ZDHHC21: variants seen among roughly 807,000 people sequenced by gnomAD.
ZDHHC21 encodes palmitoyltransferase ZDHHC21.
A neutral mutation model predicts 34.6 loss-of-function variants in ZDHHC21; 15 were observed. That is an observed-to-expected ratio of 0.43 (90% CI 0.29 to 0.67). The LOEUF is 0.67. Among genes scored for constraint, ZDHHC21 ranks in the 30% least tolerant of loss-of-function variants. The probability of loss-of-function intolerance (pLI) is 0.14; values close to 1 mark genes in which losing one functional copy is unlikely to be tolerated. For synonymous variants in ZDHHC21, 142 were observed against 101.8 expected (o/e 1.40, Z -2.38); for missense variants, 344 against 327.7 (o/e 1.05, Z -0.38).
At chr9:14,630,522 TC>T (rs1827151671) in intron 8 of ZDHHC21, among the ~76,000 whole-genome samples, 1 of 152,188 alleles carries the variant, frequency 6.6e-6, no homozygotes, top group Non-Finnish European at 1.5e-5. Context: ...GTTATTTTGG[TC>T]CCCTCCCATA....
the ZDHHC21 span, among the ~76,000 whole-genome samples, chr9:14,592,392 G>C: frequency 6.6e-6 from 1 of 151,742 alleles, no homozygotes; most frequent in Admixed American, 6.6e-5. Context: ...CTTCATGAAG[G>C]ATTTTCTTAA....
At chr9:14,660,542 T>A (rs1833198996) in intron 6 of ZDHHC21, among the ~76,000 whole-genome samples, 1 of 152,144 alleles carries the variant, frequency 6.6e-6, no homozygotes, top group South Asian at 2.1e-4. Flanking sequence ...ACATTTCCCC[T>A]GCTCTCTGAA....
At chr9:14,621,025 G>A (rs1300770398) in intron 8 of ZDHHC21, among the ~76,000 whole-genome samples, 2 of 151,974 alleles carry the variant, frequency 1.3e-5, no homozygotes, top group African/African-American at 4.8e-5. Context: ...ACTGATTAGG[G>A]TCTTAGAGGA....
intron 1 of ZDHHC21, 38 bp downstream of exon 1, chr9:14,693,191 T>TGGGGGC (rs1230748110): frequency 7.9e-6 from 2 of 254,010 alleles, no homozygotes; most frequent in South Asian, 4.8e-5. Context: ...GGGATGGGGG[T>TGGGGGC]GGGGGCGGCC....
the ZDHHC21 span, among the ~76,000 whole-genome samples, chr9:14,592,734 T>G: frequency 1.3e-5 from 2 of 152,162 alleles, no homozygotes; most frequent in Non-Finnish European, 2.9e-5. Context: ...CAAGCACATA[T>G]GAAAAATTGT....
the ZDHHC21 span, chr9:14,594,066 A>G: frequency 2.6e-5 from 4 of 152,238 alleles, no homozygotes; most frequent in African/African-American, 9.7e-5. Flanking sequence ...TCAAGCAAAT[A>G]GAGGAAGTTT....
chr9:14,611,749 G>C lies in ZDHHC21; in HGVS notation c.*7217C>G, dbSNP rs1009459683. ...CAGGGACACAAAGTGAGCTCATACA[G>C]CATGATCCACGTGTGCTCTGTCCTT... is the stretch of plus-strand genomic sequence containing the variant. On this transcript the variant is annotated 3_prime_UTR_variant, in exon 10 of 10. Coordinates refer to ENST00000380916, the MANE Select transcript of ZDHHC21 (RefSeq NM_178566.6). 5 of 151,946 alleles carry C rather than the reference G, an allele frequency of 3.3e-5. No individual in the cohort carries two copies. Among genetic ancestry groups the C allele is most frequent in the African/African-American group, 1.2e-4 (5 of 41,402 alleles). The allele number at this position is 151,946 out of a possible 1,614,324, so 9.4% of individuals were successfully genotyped here. A position where few individuals can be genotyped will look rare whatever the true frequency, so the allele number is the denominator to read the frequency against.
At chr9:14,648,647 A>G (rs1388466730) in intron 7 of ZDHHC21, among the ~76,000 whole-genome samples, 1 of 152,062 alleles carries the variant, frequency 6.6e-6, no homozygotes, top group Non-Finnish European at 1.5e-5. Context: ...TGTTTACCAT[A>G]TATTTGTTTA....
Position 14,632,692 on chromosome 9 carries a change from TTGC to T in ZDHHC21, c.621+7201_621+7203del, listed in dbSNP as rs374238499. Reference sequence around the variant, plus strand: ...GTGAGAATATTTGCAAATCACATATTTGCAAATAATATATCTGAAAAGGGACTT... The same window carrying T: ...GTGAGAATATTTGCAAATCACATATTAAATAATATATCTGAAAAGGGACTT... On this transcript the variant is annotated intron_variant, in intron 8 of 9. Coordinates refer to ENST00000380916, the MANE Select transcript of ZDHHC21 (RefSeq NM_178566.6). 7.2e-4 allele frequency among the ~76,000 whole-genome samples: 104 copies of T among 145,400 alleles called. 44 individuals are homozygous for T. The highest frequency in any genetic ancestry group is 1.4e-3 in the East Asian group (7 of 5,028).
At chr9:14,647,888 T>C (rs1016769127) in intron 7 of ZDHHC21, among the ~76,000 whole-genome samples, 1 of 152,142 alleles carries the variant, frequency 6.6e-6, no homozygotes, top group Non-Finnish European at 1.5e-5. Flanking sequence ...ATCTTTATGC[T>C]GAAAGCTCCC....
chr9:14,628,408 A>G (rs1564216958), intron 8 of ZDHHC21, among the ~76,000 whole-genome samples: 1 of 152,322 alleles, frequency 6.6e-6, no homozygotes, highest in East Asian at 1.9e-4. Context: ...CTGAAAAGTG[A>G]TATGCTGCTT....
At chr9:14,687,778 A>G (rs960840119) in intron 2 of ZDHHC21, among the ~76,000 whole-genome samples, 3 of 151,002 alleles carry the variant, frequency 2.0e-5, no homozygotes, top group Non-Finnish European at 2.9e-5. Context: ...ATGTCATTAA[A>G]TATTTTTAAT....
intron 7 of ZDHHC21, among the ~76,000 whole-genome samples, chr9:14,654,331 A>G (rs1322887440): frequency 6.6e-6 from 1 of 152,080 alleles, no homozygotes; most frequent in African/African-American, 2.4e-5. Flanking sequence ...TCTGTTATTT[A>G]GCATTAGAAA....
At chr9:14,638,605 G>A (rs1828725490) in intron 8 of ZDHHC21, among the ~76,000 whole-genome samples, 1 of 151,782 alleles carries the variant, frequency 6.6e-6, no homozygotes, top group Non-Finnish European at 1.5e-5. Flanking sequence ...CCTGTAGAAT[G>A]AGACAAAACA....
At chr9:14,641,791 T>C (rs1038423573) in intron 7 of ZDHHC21, among the ~76,000 whole-genome samples, 1 of 152,194 alleles carries the variant, frequency 6.6e-6, no homozygotes, top group East Asian at 1.9e-4. Flanking sequence ...ATGTTTATCA[T>C]AGTATTTATG....
At chr9:14,594,517 G>C in the ZDHHC21 span, among the ~76,000 whole-genome samples, 1 of 152,016 alleles carries the variant, frequency 6.6e-6, no homozygotes, top group South Asian at 2.1e-4. Flanking sequence ...ACGAAACAAA[G>C]AAAACTTAGA....
chr9:14,684,884 C>T lies in ZDHHC21; in HGVS notation c.-175-4722G>A, dbSNP rs182190190. ...AGACCAATGGAACAGAACAGAGCCC[C>T]CAGAAATAATAGCACACATCTACAA... On this transcript the variant is annotated intron_variant, in intron 2 of 9. Transcript: ENST00000380916. Among the ~76,000 whole-genome samples the T allele has an allele frequency of 6.3e-3, 960 of 152,154 alleles. 15 individuals carry two copies. The highest frequency in any genetic ancestry group is 0.022 in the African/African-American group (901 of 41,504).
chr9:14,664,036 C>G (rs567786317), intron 5 of ZDHHC21, among the ~76,000 whole-genome samples: 1 of 152,302 alleles, frequency 6.6e-6, no homozygotes, highest in Admixed American at 6.5e-5. Flanking sequence ...CAGCTCCGGT[C>G]TACAGCTCCC....
At chr9:14,623,632 A>G (rs1825696315) in intron 8 of ZDHHC21, among the ~76,000 whole-genome samples, 2 of 137,928 alleles carry the variant, frequency 1.5e-5, no homozygotes, top group Non-Finnish European at 3.1e-5. Flanking sequence ...TAAGGAACAC[A>G]AACAACTCAA....
Sources: gnomAD v4.1 joint callset for allele counts (sites outside exome capture counted in the v4.1 genomes callset) on GRCh38, gnomAD v4.1.1 for gene constraint, MANE v1.5 for transcripts, NCBI Gene and HGNC (gene_info 2026-07-23, HGNC 2026-07-21) for gene names.